SRGAP2: variants seen among roughly 807,000 people sequenced by gnomAD.
SRGAP2 encodes SLIT-ROBO Rho GTPase-activating protein 2.
SRGAP2 carries 15 observed loss-of-function variants against 57.2 expected under a neutral mutation model. The observed-to-expected ratio is 0.26, with a 90% CI of 0.18 to 0.40. SRGAP2 has a LOEUF of 0.40. SRGAP2 is among the 10% of genes least tolerant of loss of function. The pLI, the probability that SRGAP2 is intolerant of heterozygous loss-of-function variation, is 1.00. For missense variants in SRGAP2, 520 were observed against 669.6 expected, an observed-to-expected ratio of 0.78 and a Z score of 2.47; for synonymous variants, 249 against 248.0, an observed-to-expected ratio of 1.00 and a Z score of -0.04.
At chr1:206,251,294 G>A (rs1334563425) in intron 2 of SRGAP2, among the ~76,000 whole-genome samples, 1 of 151,664 alleles carries the variant, frequency 6.6e-6, no homozygotes, top group African/African-American at 2.4e-5. Context: ...TTGGGTTAAG[G>A]GAAGTTCAAG....
intron 3 of SRGAP2, among the ~76,000 whole-genome samples, chr1:206,341,787 C>T (rs1226102745): frequency 1.3e-5 from 2 of 152,050 alleles, no homozygotes; most frequent in Admixed American, 1.3e-4. Context: ...CACTTGAGGT[C>T]GGGAGTTCAA....
intron 22 of SRGAP2, among the ~76,000 whole-genome samples, chr1:206,459,783 G>T (rs944816721): frequency 6.6e-6 from 1 of 152,172 alleles, no homozygotes; most frequent in Non-Finnish European, 1.5e-5. Flanking sequence ...GTCTCTCTTG[G>T]CTTAATTGTG....
intron 4 of SRGAP2, among the ~76,000 whole-genome samples, chr1:206,370,398 C>T (rs1398028157): frequency 6.6e-6 from 1 of 152,094 alleles, no homozygotes; most frequent in Non-Finnish European, 1.5e-5. Context: ...CATGTCCATA[C>T]AATAGAGTAG....
At chr1:206,332,930 C>G (rs879972189) in intron 3 of SRGAP2, among the ~76,000 whole-genome samples, 4 of 151,862 alleles carry the variant, frequency 2.6e-5, no homozygotes, top group Admixed American at 6.6e-5. Flanking sequence ...TTTTCCCCAT[C>G]TTTGTGGTTT....
At position 206,461,252 on chromosome 1, in the gene SRGAP2, G is replaced by A. The variant is rs1553380578; in HGVS notation, c.3048G>A (p.Gly1016=). 1.3e-6 allele frequency: 1 copy of A among 780,764 alleles called. No homozygotes were observed. Among genetic ancestry groups the A allele is most frequent in the African/African-American group, 1.7e-5 (1 of 59,142 alleles). The allele number at this position is 780,764 out of a possible 1,614,324, so 48.4% of individuals were successfully genotyped here. ...TCCAGCGCAGCGCCAGTACTGCTGG[G>A]GACATCGCCTGCGCCTTCCGGCCTG... ...PAFQRSASTA[G]DIACAFRPVK... is the part of the protein sequence containing the mutation. The change falls in exon 23 of 23, where the codon GGG becomes GGA. Residue 1016 remains glycine (G), a synonymous_variant. Coordinates refer to ENST00000573034, the MANE Select transcript of SRGAP2 (RefSeq NM_015326.5).
At chr1:206,241,960 T>G (rs1668263070) in intron 2 of SRGAP2, among the ~76,000 whole-genome samples, 1 of 136,182 alleles carries the variant, frequency 7.3e-6, no homozygotes, top group Non-Finnish European at 1.6e-5. Context: ...GTGTTTTATC[T>G]CCTTCAACTC....
In SRGAP2 at chr1:206,372,947, CTTTCTTTCTTTTCTTTCCTTT is replaced by C. The variant is rs1341490189; in HGVS notation, c.424-11066_424-11046del. Among the ~76,000 whole-genome samples the C allele has an allele frequency of 7.8e-3, 86 of 11,038 alleles. 10 individuals carry two copies. The East Asian group carries it at 0.14, about 18-fold the overall frequency. 7.2% of individuals were successfully genotyped at this position (11,038 alleles called of 152,430 possible). On this transcript the variant is annotated intron_variant, in intron 4 of 22. Transcript: ENST00000573034. ...TCTTTCTTTCTTTCTTTCTTTCTTT[CTTTCTTTCTTTTCTTTCCTTT>C]CTTTCTTTCTTTCTTTCTTTCTTTC...
chr1:206,253,645 G>C (rs1239163756), intron 2 of SRGAP2, among the ~76,000 whole-genome samples: 1 of 129,604 alleles, frequency 7.7e-6, no homozygotes, highest in African/African-American at 2.9e-5. Context: ...GCTAGATCTC[G>C]GCTCGCTGCA....
At position 206,450,464 on chromosome 1, in the gene SRGAP2, C is replaced by T. The variant is rs199969502; in HGVS notation, c.2178C>T (p.Asp726=). 52 of 780,580 alleles carry T rather than the reference C, an allele frequency of 6.7e-5. No individual in the cohort carries two copies. The highest frequency in any genetic ancestry group is 3.2e-4 in the South Asian group (24 of 74,616). The allele number at this position is 780,580 out of a possible 1,614,324, so 48.4% of individuals were successfully genotyped here. The change falls in exon 19 of 23, where the codon GAC becomes GAT. Residue 726 remains aspartate (D), a splice_region_variant and synonymous_variant. Transcript: ENST00000573034. ...CCGCAGAGCACCACACGAGCGATGA[C>T]GGTACGAGGCCCTGCTTCCTGGTCA... The part of the protein sequence containing the change: ...DVTAEHHTSD[D]ECEPIEAIAK...
chr1:206,453,797 G>A, intron 20 of SRGAP2: 1 of 298,734 alleles, frequency 3.3e-6, no homozygotes, highest in South Asian at 1.2e-4. Flanking sequence ...CCAACCTGTT[G>A]AGCCACTCTT....
intron 2 of SRGAP2, among the ~76,000 whole-genome samples, chr1:206,285,371 C>T (rs1238083425): frequency 6.6e-6 from 1 of 152,162 alleles, no homozygotes; most frequent in Non-Finnish European, 1.5e-5. Flanking sequence ...CACATTGAGC[C>T]TCAGTTATCA....
At chr1:206,307,108 C>G (rs1448669453) in intron 3 of SRGAP2, among the ~76,000 whole-genome samples, 2 of 151,648 alleles carry the variant, frequency 1.3e-5, no homozygotes, top group Non-Finnish European at 2.9e-5. Flanking sequence ...TACAGAGTGT[C>G]GATTGGTGCA....
chr1:206,418,894 G>C (rs1553363147), intron 11 of SRGAP2, among the ~76,000 whole-genome samples: 5,538 of 106,068 alleles, frequency 0.052, 202 homozygotes, highest in East Asian at 0.16. Context: ...CTCTCTGTGT[G>C]TGTGTGTGTG....
intron 11 of SRGAP2, among the ~76,000 whole-genome samples, chr1:206,417,952 C>CA: frequency 6.6e-6 from 1 of 151,488 alleles, no homozygotes; most frequent in Non-Finnish European, 1.5e-5. Context: ...TGGGGCCATA[C>CA]AAATGCATTC....
chr1:206,417,366 A>G (rs1393530433), intron 11 of SRGAP2, among the ~76,000 whole-genome samples: 3 of 147,462 alleles, frequency 2.0e-5, no homozygotes, highest in African/African-American at 7.6e-5. Flanking sequence ...AGCTTCCCAA[A>G]GTGCTGGGAT....
chr1:206,389,331 C>T (rs1220520988), intron 5 of SRGAP2, among the ~76,000 whole-genome samples: 4 of 151,406 alleles, frequency 2.6e-5, no homozygotes, highest in Admixed American at 6.6e-5. Flanking sequence ...CCCGCCACCA[C>T]GCCCAGTTAA....
At chr1:206,437,579 A>G (rs1473836080) in intron 15 of SRGAP2, 1 of 199,276 alleles carries the variant, frequency 5.0e-6, no homozygotes, top group Non-Finnish European at 1.0e-5. Flanking sequence ...AGGCCAGGAG[A>G]CGTGAGAGCC....
At chr1:206,332,479 C>T (rs1674434109) in intron 3 of SRGAP2, among the ~76,000 whole-genome samples, 1 of 151,280 alleles carries the variant, frequency 6.6e-6, no homozygotes, top group African/African-American at 2.4e-5. Flanking sequence ...TTCACATAGT[C>T]CCATATTTCT....
At chr1:206,441,070 T>C (rs543669288) in intron 17 of SRGAP2, among the ~76,000 whole-genome samples, 2 of 152,246 alleles carry the variant, frequency 1.3e-5, no homozygotes, top group East Asian at 1.9e-4. Context: ...GGATTATACA[T>C]AGAATATGGA....
Sources: gnomAD v4.1 joint callset for allele counts (sites outside exome capture counted in the v4.1 genomes callset) on GRCh38, gnomAD v4.1.1 for gene constraint, MANE v1.5 for transcripts, NCBI Gene and HGNC (gene_info 2026-07-23, HGNC 2026-07-21) for gene names.